The following TFIP11 variants were observed in gnomAD, a reference collection of about 807,000 sequenced individuals.
TFIP11 encodes the protein tuftelin interacting protein 11, also known as tuftelin-interacting protein 11.
Under a neutral mutation model 96.8 loss-of-function variants are expected in TFIP11, and 86 were observed. The observed-to-expected ratio is 0.89, with a 90% CI of 0.75 to 1.06. TFIP11 has a LOEUF of 1.06. TFIP11 is among the 50% of genes least tolerant of loss of function. TFIP11 has a pLI of 0.00. For synonymous variants in TFIP11, 405 were observed against 395.2 expected (o/e 1.02, Z -0.29); for missense variants, 881 against 1,076.7 (o/e 0.82, Z 2.54).
chr22:26,505,575 T>C (rs971098025), intron 6 of TFIP11, among the ~76,000 whole-genome samples: 3 of 152,176 alleles, frequency 2.0e-5, no homozygotes, highest in Non-Finnish European at 4.4e-5. Flanking sequence ...GCCATGTCCA[T>C]CGTCCCAGGA....
chr22:26,499,129 T>C lies in TFIP11; in HGVS notation c.1304A>G (p.Tyr435Cys). The C allele has an allele frequency of 6.3e-7, 1 of 1,591,412 alleles. No individual in the cohort carries two copies. Among genetic ancestry groups the C allele is most frequent in the East Asian group, 2.2e-5 (1 of 44,520 alleles). The change falls in exon 9 of 15, where the codon TAC becomes TGC. Residue 435 changes from tyrosine to cysteine, a missense_variant. Tyr to Cys is a radical substitution (Grantham distance 194). Coordinates refer to ENST00000407690, the MANE Select transcript of TFIP11 (RefSeq NM_012143.4). ...TTTGAGGGGATCCCACTCCTTGAAG[T>C]ACTCCTTCATGAGTGGATAGACGAT... ...VAIVYPLMKE[Y>C]FKEWDPLKDC...
chr22:26,496,176 G>A lies in TFIP11; in HGVS notation c.1746C>T (p.His582=), dbSNP rs548444758. 3.7e-6 allele frequency: 6 copies of A among 1,613,926 alleles called. No individual in the cohort carries two copies. In the South Asian group the frequency reaches 4.4e-5, roughly 12 times the overall value. Reference sequence around the variant, plus strand: ...TGAGCTTGGCAGAGGAGTCGCTGGGGTGCCACTTCTGCAGGGCGCTGGACA... The same window carrying A: ...TGAGCTTGGCAGAGGAGTCGCTGGGATGCCACTTCTGCAGGGCGCTGGACA... ...SKLSSALQKW[H]PSDSSAKLIL... Residue 582 remains histidine, a synonymous_variant, in exon 12 of 15, where the codon CAC becomes CAT. Coordinates refer to ENST00000407690, the MANE Select transcript of TFIP11 (RefSeq NM_012143.4).
chr22:26,494,367 T>C (rs1229787407), intron 13 of TFIP11, 63 bp from the exon 14 acceptor site: 4 of 1,600,280 alleles, frequency 2.5e-6, no homozygotes, highest in East Asian at 2.2e-5. Flanking sequence ...ATTTCTGAAG[T>C]GGCCATTTGT....
At chr22:26,499,066 C>A in intron 9 of TFIP11, 38 bp downstream of exon 9, 1 of 1,601,708 alleles carries the variant, frequency 6.2e-7, no homozygotes. Flanking sequence ...TAAGCCCAAC[C>A]GAGAGGCAGG....
rs549763951 is a variant in TFIP11, at chr22:26,503,480, C to T, written c.648+186G>A. The stretch of plus-strand genomic sequence containing the variant: ...CATTTCAACTGCCACTTCCACACCA[C>T]AGCTGCTTGTTTACTCTCTGTCCAC... On this transcript the variant is annotated intron_variant, in intron 7 of 14. Coordinates refer to ENST00000407690, the MANE Select transcript of TFIP11 (RefSeq NM_012143.4). 2.0e-5 allele frequency among the ~76,000 whole-genome samples: 3 copies of T among 152,358 alleles called. No individual in the cohort carries two copies. In the East Asian group the frequency reaches 5.8e-4, roughly 29 times the overall value.
At chr22:26,497,667 A>G in intron 10 of TFIP11, among the ~76,000 whole-genome samples, 1 of 152,096 alleles carries the variant, frequency 6.6e-6, no homozygotes, top group Admixed American at 6.5e-5. Context: ...CACGAGGTCA[A>G]GAGATCGAGA....
chr22:26,501,995 GCTT>G lies in TFIP11; in HGVS notation c.703_705del (p.Lys235del). 6.2e-7 allele frequency: 1 copy of G among 1,613,734 alleles called. No individual in the cohort carries two copies. Among genetic ancestry groups the G allele is most frequent in the Non-Finnish European group, 8.5e-7 (1 of 1,179,972 alleles). ...TCCACGGTCTTGTAAGAGTATTTGG[GCTT>G]CTTCTTGCTTCCACTTGGGTCTTTC... On this transcript the variant is annotated inframe_deletion, in exon 8 of 15. Transcript: ENST00000407690.
intron 6 of TFIP11, among the ~76,000 whole-genome samples, chr22:26,504,800 G>A (rs1362318617): frequency 6.6e-6 from 1 of 152,168 alleles, no homozygotes; most frequent in Non-Finnish European, 1.5e-5. Context: ...TAGAGGCCAG[G>A]CGCAGTGGCT....
intron 4 of TFIP11, among the ~76,000 whole-genome samples, chr22:26,508,725 G>C (rs533715448): frequency 2.0e-5 from 3 of 152,086 alleles, no homozygotes; most frequent in Admixed American, 6.5e-5. Flanking sequence ...CATGCCTGTA[G>C]TCCCAGCTAC....
In TFIP11 at chr22:26,492,214, C is replaced by T; in HGVS notation, c.2313G>A (p.Met771Ile). The T allele has an allele frequency of 6.2e-7, 1 of 1,614,214 alleles. No individual in the cohort carries two copies. The highest frequency in any genetic ancestry group is 8.5e-7 in the Non-Finnish European group (1 of 1,180,048). Reference protein sequence around the residue: ...GIGVAASSVPMNFKDLIETKA... With the variant: ...GIGVAASSVPINFKDLIETKA... ...TGGTCTCAATGAGGTCCTTAAAGTT[C>T]ATGGGCACAGAGCTAGCGGCCACGC... Residue 771 changes from methionine (M) to isoleucine (I), a missense_variant, in exon 15 of 15, where the codon ATG becomes ATA. Coordinates refer to ENST00000407690, the MANE Select transcript of TFIP11 (RefSeq NM_012143.4).
intron 10 of TFIP11, chr22:26,498,592 C>A: frequency 3.2e-6 from 1 of 314,096 alleles, no homozygotes; most frequent in Non-Finnish European, 5.9e-6. Flanking sequence ...GTATACTTCT[C>A]AGGAGATGGG....
intron 4 of TFIP11, among the ~76,000 whole-genome samples, chr22:26,509,834 C>T (rs1312497486): frequency 6.6e-6 from 1 of 151,978 alleles, no homozygotes; most frequent in East Asian, 1.9e-4. Flanking sequence ...CCAACCTGGG[C>T]AACAAAGTGA....
At chr22:26,509,748 C>T (rs895427213) in intron 4 of TFIP11, among the ~76,000 whole-genome samples, 15 of 152,066 alleles carry the variant, frequency 9.9e-5, no homozygotes, top group East Asian at 7.7e-4. Context: ...CCCACCTACT[C>T]GGGAGGCTGA....
chr22:26,511,441 T>C (rs1028611539), intron 2 of TFIP11: 2 of 152,204 alleles, frequency 1.3e-5, no homozygotes, highest in Non-Finnish European at 2.9e-5. Flanking sequence ...ATACTTCGTA[T>C]CCTTCAATCC....
At chr22:26,505,885 A>G (rs1923349817) in intron 6 of TFIP11, 2 of 153,492 alleles carry the variant, frequency 1.3e-5, no homozygotes. Flanking sequence ...TGATTTTTGT[A>G]TTTTTAGTAG....
At position 26,491,985 on chromosome 22, in the gene TFIP11, C is replaced by T; in HGVS notation, c.*28G>A. 2 of 1,559,078 alleles carry T rather than the reference C, an allele frequency of 1.3e-6. No homozygotes were observed. The highest frequency in any genetic ancestry group is 1.7e-6 in the Non-Finnish European group (2 of 1,149,578). On this transcript the variant is annotated 3_prime_UTR_variant, in exon 15 of 15. Transcript: ENST00000407690. Reference sequence around the variant, plus strand: ...CAGTACATCCCTCTTAGGGGCAAGTCTCTGACTGGTTCTGGACCTGCCACA... The same window carrying T: ...CAGTACATCCCTCTTAGGGGCAAGTTTCTGACTGGTTCTGGACCTGCCACA...
Position 26,496,096 on chromosome 22 carries a change from A to C in TFIP11, c.1826T>G (p.Val609Gly). ...FTPGSWEAFMVKNIVPKLGMC... is the reference protein window; with the variant it reads ...FTPGSWEAFMGKNIVPKLGMC... ...ACCCAGCTTGGGCACTATGTTTTTG[A>C]CCATGAATGCTTCCCAGGAGCCAGG... Residue 609 changes from valine (V) to glycine (G), a missense_variant, in exon 12 of 15, where the codon GTC becomes GGC. By Grantham distance (109) the Val-to-Gly change is moderately radical (BLOSUM62 -3). Transcript: ENST00000407690. 6.2e-7 allele frequency: 1 copy of C among 1,613,806 alleles called. No homozygotes were observed. Among genetic ancestry groups the C allele is most frequent in the Non-Finnish European group, 8.5e-7 (1 of 1,179,986 alleles).
At chr22:26,501,106 C>G (rs1172918087) in intron 8 of TFIP11, among the ~76,000 whole-genome samples, 1 of 152,096 alleles carries the variant, frequency 6.6e-6, no homozygotes, top group Non-Finnish European at 1.5e-5. Flanking sequence ...CGGTCTCGAT[C>G]TCCTGACCTT....
chr22:26,506,041 A>G (rs940981361), intron 6 of TFIP11: 4 of 311,760 alleles, frequency 1.3e-5, no homozygotes, highest in African/African-American at 2.2e-5. Flanking sequence ...AGCACTGGTC[A>G]GGACCAGAAA....
Sources: gnomAD v4.1 joint callset for allele counts (sites outside exome capture counted in the v4.1 genomes callset) on GRCh38, gnomAD v4.1.1 for gene constraint, MANE v1.5 for transcripts, NCBI Gene and HGNC (gene_info 2026-07-23, HGNC 2026-07-21) for gene names.